ACSL3: variants seen among roughly 807,000 people sequenced by gnomAD.
ACSL3 encodes the protein fatty acid CoA ligase Acsl3.
A neutral mutation model predicts 84.7 loss-of-function variants in ACSL3; 34 were observed. The ratio of observed to expected loss-of-function variants is 0.40; its 90% CI spans 0.31 to 0.53. The LOEUF (loss-of-function observed/expected upper bound fraction) is 0.53. Ranked by LOEUF, ACSL3 falls within the 20% of genes least tolerant of loss-of-function variation. The pLI is 0.48. For missense variants in ACSL3, 680 were observed against 873.1 expected (o/e 0.78, Z 2.79); for synonymous variants, 315 against 299.4 (o/e 1.05, Z -0.54).
chr2:222,935,805 C>G (rs964163667), intron 16 of ACSL3, among the ~76,000 whole-genome samples: 17 of 152,102 alleles, frequency 1.1e-4, no homozygotes, highest in East Asian at 1.9e-4. Flanking sequence ...AATTTACTAT[C>G]TTAACATTTT....
chr2:222,901,343 A>G (rs1421671969), intron 3 of ACSL3, among the ~76,000 whole-genome samples: 1 of 152,150 alleles, frequency 6.6e-6, no homozygotes, highest in African/African-American at 2.4e-5. Flanking sequence ...TCACCACCCC[A>G]TTGAAATTCA....
chr2:222,908,173 C>CTGCTT (rs1290238047), intron 3 of ACSL3, among the ~76,000 whole-genome samples: 9 of 152,188 alleles, frequency 5.9e-5, no homozygotes, highest in Non-Finnish European at 1.3e-4. Flanking sequence ...CCAAAGTATA[C>CTGCTT]TGCTTTCTTG....
chr2:222,933,373 C>T (rs911962324), intron 15 of ACSL3, 93 bp downstream of exon 15: 12 of 853,536 alleles, frequency 1.4e-5, no homozygotes, highest in South Asian at 5.5e-5. Context: ...AAAAATGTTC[C>T]GAGAACTCTT....
rs115969646 is a variant in ACSL3 at position 222,877,733 on chromosome 2, A to T, written c.-206-10097A>T. 7.4e-3 allele frequency among the ~76,000 whole-genome samples: 1,128 copies of T among 152,280 alleles called. 22 individuals are homozygous for T. Among genetic ancestry groups the T allele is most frequent in the African/African-American group, 0.025 (1,052 of 41,548 alleles). Reference sequence around the variant, plus strand: ...GATTACATGCTAGAAATTTGGATGGAACACTACCCAGAATTGTGAGTCACT... The same window carrying T: ...GATTACATGCTAGAAATTTGGATGGTACACTACCCAGAATTGTGAGTCACT... On this transcript the variant is annotated intron_variant, in intron 1 of 16. Coordinates refer to ENST00000357430, the MANE Select transcript of ACSL3 (RefSeq NM_004457.5).
intron 12 of ACSL3, among the ~76,000 whole-genome samples, chr2:222,928,203 A>G (rs1319659000): frequency 6.6e-6 from 1 of 152,206 alleles, no homozygotes; most frequent in Admixed American, 6.5e-5. Context: ...CTTGAAAGCC[A>G]CCAGTCTTAT....
At chr2:222,936,423 A>G (rs958232615) in intron 16 of ACSL3, among the ~76,000 whole-genome samples, 2 of 152,092 alleles carry the variant, frequency 1.3e-5, no homozygotes, top group East Asian at 3.9e-4. Context: ...CAACATTTGT[A>G]TATTTTTTTC....
At position 222,922,780 on chromosome 2, in the gene ACSL3, T is replaced by A; in HGVS notation, c.1029T>A (p.Leu343=). 1.2e-6 allele frequency: 2 copies of A among 1,614,222 alleles called. No homozygotes were observed. Among genetic ancestry groups the A allele is most frequent in the Non-Finnish European group, 1.7e-6 (2 of 1,180,004 alleles). ...VLELSAELVC[L]SHGCRIGYSS... ...AATTAAGTGCTGAGCTTGTCTGTCT[T>A]TCTCACGGATGCCGCATTGGTTACT... The change falls in exon 9 of 17, where the codon CTT becomes CTA. Residue 343 remains leucine (L), a synonymous_variant. Coordinates refer to ENST00000357430, the MANE Select transcript of ACSL3 (RefSeq NM_004457.5).
intron 3 of ACSL3, 78 bp downstream of exon 3, chr2:222,900,858 A>G (rs541804281): frequency 6.6e-5 from 10 of 152,294 alleles, no homozygotes; most frequent in African/African-American, 2.4e-4. Context: ...TCTTCTACAG[A>G]TAGTTATTTT....
chr2:222,886,485 A>G (rs1695725276), intron 1 of ACSL3, among the ~76,000 whole-genome samples: 1 of 152,222 alleles, frequency 6.6e-6, no homozygotes, highest in African/African-American at 2.4e-5. Context: ...AAGCAGTGGT[A>G]TGTTGAATTA....
At chr2:222,889,193 G>T (rs1487849465) in intron 2 of ACSL3, among the ~76,000 whole-genome samples, 1 of 152,190 alleles carries the variant, frequency 6.6e-6, no homozygotes, top group African/African-American at 2.4e-5. Context: ...TTGTGTAGGT[G>T]AAGAAGTGGT....
intron 8 of ACSL3, among the ~76,000 whole-genome samples, chr2:222,922,103 CT>C (rs1172814907): frequency 6.6e-6 from 1 of 152,178 alleles, no homozygotes; most frequent in African/African-American, 2.4e-5. Flanking sequence ...CAACAATTTT[CT>C]TACAGGTTTG....
intron 1 of ACSL3, among the ~76,000 whole-genome samples, chr2:222,866,152 T>C (rs1466576189): frequency 7.0e-6 from 1 of 143,714 alleles, no homozygotes; most frequent in East Asian, 2.0e-4. Flanking sequence ...AAATAGGTAC[T>C]TTTTTTTTTT....
chr2:222,878,813 T>G (rs569644562), intron 1 of ACSL3, among the ~76,000 whole-genome samples: 91 of 152,320 alleles, frequency 6.0e-4, no homozygotes, highest in African/African-American at 2.2e-3. Context: ...TAGACTTTAA[T>G]TTTCAGAGCC....
intron 1 of ACSL3, among the ~76,000 whole-genome samples, chr2:222,871,710 A>G (rs1415353461): frequency 6.6e-6 from 1 of 152,184 alleles, no homozygotes; most frequent in Non-Finnish European, 1.5e-5. Flanking sequence ...TCCTGGGACT[A>G]GGCTTTCAGG....
At chr2:222,937,317 G>T (rs1697199293) in intron 16 of ACSL3, among the ~76,000 whole-genome samples, 1 of 151,962 alleles carries the variant, frequency 6.6e-6, no homozygotes, top group Admixed American at 6.6e-5. Context: ...TAGTTATGAA[G>T]GTTGTGTGTG....
intron 3 of ACSL3, among the ~76,000 whole-genome samples, chr2:222,901,505 T>TTC (rs72535525): frequency 6.6e-6 from 1 of 151,774 alleles, no homozygotes; most frequent in African/African-American, 2.4e-5. Flanking sequence ...AAGTTTGTTC[T>TTC]TTTTCAAGAT....
At position 222,921,350 on chromosome 2, in the gene ACSL3, A is replaced by G. The variant is rs1381518605; in HGVS notation, c.876A>G (p.Gly292=). The part of the protein sequence containing the change: ...AVIMYTSGST[G]LPKGVMISHS... The stretch of plus-strand genomic sequence containing the variant: ...TCATGTACACAAGTGGATCCACAGG[A>G]CTTCCAAAGGGAGTCATGATCTCAC... Residue 292 remains glycine, a synonymous_variant, in exon 8 of 17, where the codon GGA becomes GGG. Coordinates refer to ENST00000357430, the MANE Select transcript of ACSL3 (RefSeq NM_004457.5). The G allele has an allele frequency of 1.2e-6, 2 of 1,604,218 alleles. No individual in the cohort carries two copies. The highest frequency in any genetic ancestry group is 1.7e-6 in the Non-Finnish European group (2 of 1,171,848).
intron 1 of ACSL3, among the ~76,000 whole-genome samples, chr2:222,872,825 A>C (rs1490964089): frequency 2.0e-5 from 3 of 151,922 alleles, no homozygotes; most frequent in Non-Finnish European, 2.9e-5. Context: ...CTTTCTAGGC[A>C]GAGGCTTGAA....
At chr2:222,915,741 C>G (rs992346506) in intron 4 of ACSL3, among the ~76,000 whole-genome samples, 20 of 152,152 alleles carry the variant, frequency 1.3e-4, no homozygotes, top group African/African-American at 4.8e-4. Flanking sequence ...ACTAGTCCAC[C>G]TGGTTATGTA....
Sources: allele counts gnomAD v4.1 joint callset (sites outside exome capture counted in the v4.1 genomes callset), GRCh38; gene constraint gnomAD v4.1.1; transcripts MANE v1.5; gene names NCBI Gene and HGNC (gene_info 2026-07-23, HGNC 2026-07-21).